CCDC178: variants seen among roughly 807,000 people sequenced by gnomAD.
CCDC178 encodes coiled-coil domain-containing protein 178.
Under a neutral mutation model 117.4 loss-of-function variants are expected in CCDC178, and 126 were observed. That is an observed-to-expected ratio of 1.07 (90% CI 0.93 to 1.24). CCDC178 has a LOEUF of 1.24. CCDC178 is among the 50% of genes most tolerant of loss of function. CCDC178 has a pLI of 0.00. For synonymous variants in CCDC178, 283 were observed against 313.4 expected, an observed-to-expected ratio of 0.90 and a Z score of 1.02; for missense variants, 1,030 against 986.9, an observed-to-expected ratio of 1.04 and a Z score of -0.59.
At chr18:33,100,288 T>C (rs1023730440) in intron 20 of CCDC178, among the ~76,000 whole-genome samples, 1 of 152,022 alleles carries the variant, frequency 6.6e-6, no homozygotes, top group Non-Finnish European at 1.5e-5. Context: ...TGACATTGCC[T>C]CTCAGAAGAA....
intron 20 of CCDC178, among the ~76,000 whole-genome samples, chr18:33,123,729 T>C (rs2057967253): frequency 6.6e-6 from 1 of 152,142 alleles, no homozygotes; most frequent in Admixed American, 6.6e-5. Context: ...TGTCAAATTC[T>C]ATCAAATTTG....
chr18:33,018,545 G>A (rs1598794069), intron 21 of CCDC178, among the ~76,000 whole-genome samples: 1 of 152,038 alleles, frequency 6.6e-6, no homozygotes, highest in East Asian at 1.9e-4. Context: ...ATGAAGAAAT[G>A]TTCAACAAAC....
intron 20 of CCDC178, among the ~76,000 whole-genome samples, chr18:33,108,988 T>A (rs2057744252): frequency 6.6e-6 from 1 of 151,708 alleles, no homozygotes; most frequent in Non-Finnish European, 1.5e-5. Context: ...TATTTCTGCA[T>A]GTTTATTTTT....
At chr18:33,271,440 T>C (rs1344623646) in intron 12 of CCDC178, among the ~76,000 whole-genome samples, 2 of 151,546 alleles carry the variant, frequency 1.3e-5, no homozygotes, top group African/African-American at 4.8e-5. Flanking sequence ...AGGAAGTCCA[T>C]GCAAACATTA....
intron 6 of CCDC178, among the ~76,000 whole-genome samples, chr18:33,358,845 T>C (rs2063091914): frequency 6.6e-6 from 1 of 151,752 alleles, no homozygotes; most frequent in South Asian, 2.1e-4. Context: ...ATATACAACT[T>C]ACTAAAGGTA....
intron 12 of CCDC178, among the ~76,000 whole-genome samples, chr18:33,288,337 C>T (rs2060126750): frequency 9.5e-6 from 1 of 105,256 alleles, no homozygotes; most frequent in Non-Finnish European, 2.0e-5. Context: ...TCCCTCCTCT[C>T]TCCTCCCCTC....
chr18:32,983,311 T>A, intron 21 of CCDC178: 2 of 1,531,248 alleles, frequency 1.3e-6, no homozygotes, highest in South Asian at 2.4e-5. Flanking sequence ...CTGATATAAT[T>A]GGCAGAGAGT....
chr18:33,279,249 A>C lies in CCDC178; in HGVS notation c.1177-11952T>G, dbSNP rs373993993. Among the ~76,000 whole-genome samples, 1,307 of 152,236 alleles carry C rather than the reference A, an allele frequency of 8.6e-3. 10 individuals are homozygous for C. The highest frequency in any genetic ancestry group is 0.023 in the African/African-American group (950 of 41,542). ...ATCTCCTTAAGCTGATAAGCAACTT[A>C]AGCAAAGTCTCAGGATACAAAATCA... On this transcript the variant is annotated intron_variant, in intron 12 of 22. Coordinates refer to ENST00000383096, the MANE Select transcript of CCDC178 (RefSeq NM_001105528.4).
At chr18:33,234,344 T>G (rs1482216350) in intron 15 of CCDC178, among the ~76,000 whole-genome samples, 1 of 152,106 alleles carries the variant, frequency 6.6e-6, no homozygotes, top group Non-Finnish European at 1.5e-5. Flanking sequence ...AATAGCAGAT[T>G]CCTTTCCATT....
chr18:33,384,058 A>G (rs923299047), intron 5 of CCDC178, among the ~76,000 whole-genome samples: 3 of 152,130 alleles, frequency 2.0e-5, no homozygotes, highest in African/African-American at 7.2e-5. Flanking sequence ...CGGGAACTTC[A>G]TGATGCAAAC....
chr18:33,093,764 C>G (rs1383328169), intron 20 of CCDC178, among the ~76,000 whole-genome samples: 1 of 151,660 alleles, frequency 6.6e-6, no homozygotes, highest in East Asian at 1.9e-4. Flanking sequence ...TATTTTCAAA[C>G]CTGTTAATCC....
chr18:33,394,951 A>ATATATATATATATATGTG (rs1568198882), intron 4 of CCDC178, among the ~76,000 whole-genome samples: 5 of 111,832 alleles, frequency 4.5e-5, no homozygotes, highest in African/African-American at 1.4e-4. Context: ...GTGTATATAT[A>ATATATATATATATATGTG]TATATATATA....
intron 18 of CCDC178, among the ~76,000 whole-genome samples, chr18:33,220,418 TCCAAAG>T (rs1007751701): frequency 8.5e-5 from 13 of 152,076 alleles, no homozygotes; most frequent in African/African-American, 2.7e-4. Flanking sequence ...TTTCTCTGAC[TCCAAAG>T]CCTTTACTAT....
intron 21 of CCDC178, among the ~76,000 whole-genome samples, chr18:33,043,336 T>C (rs1032998114): frequency 2.6e-5 from 4 of 152,094 alleles, no homozygotes; most frequent in South Asian, 2.1e-4. Flanking sequence ...TAGAACAATA[T>C]GTTTATTCTG....
chr18:33,244,890 G>C (rs1464101107), intron 15 of CCDC178, among the ~76,000 whole-genome samples: 1 of 151,814 alleles, frequency 6.6e-6, no homozygotes, highest in Non-Finnish European at 1.5e-5. Flanking sequence ...CATTACATAA[G>C]GTAGACGAAC....
intron 5 of CCDC178, 26 bp downstream of exon 5, chr18:33,389,514 C>G: frequency 8.8e-7 from 1 of 1,134,624 alleles, no homozygotes; most frequent in Non-Finnish European, 1.2e-6. Context: ...ATATAGTTTA[C>G]TATATGATTT....
chr18:33,044,026 T>TACAC lies in CCDC178; in HGVS notation c.2388+48734_2388+48735insGTGT, dbSNP rs10656296. Among the ~76,000 whole-genome samples the TACAC allele has an allele frequency of 4.5e-3, 646 of 143,064 alleles. 3 individuals carry two copies. Among genetic ancestry groups the TACAC allele is most frequent in the African/African-American group, 0.017 (609 of 35,506 alleles). The allele number at this position is 143,064 out of a possible 152,430, so 93.9% of individuals were successfully genotyped here. A position where few individuals can be genotyped will look rare whatever the true frequency, so the allele number is the denominator to read the frequency against. On this transcript the variant is annotated intron_variant, in intron 21 of 22. Transcript: ENST00000383096. ...AGATTGATGTGTTGTTAACAATATA[T>TACAC]ATACACACACACACCAGCATATGTG...
rs571938939 is a variant in CCDC178 at position 33,388,543 on chromosome 18, G to A, written c.208+997C>T. 0.013 allele frequency among the ~76,000 whole-genome samples: 9 copies of A among 718 alleles called. No individual in the cohort carries two copies. The East Asian group carries it at 0.3, about 24-fold the overall frequency. The allele number at this position is 718 out of a possible 152,430, so 0.5% of individuals were successfully genotyped here. On this transcript the variant is annotated intron_variant, in intron 5 of 22. Transcript: ENST00000383096. The stretch of plus-strand genomic sequence containing the variant: ...AATTTTTTTTTTTTTTTTTTGAGAC[G>A]GAGTCTCGCTCTGTCGCCCAGGCTG...
chr18:33,145,894 G>A (rs535807366), intron 20 of CCDC178, among the ~76,000 whole-genome samples: 1 of 152,240 alleles, frequency 6.6e-6, no homozygotes, highest in Non-Finnish European at 1.5e-5. Context: ...AAAAGATATA[G>A]TCTTACATCC....
Sources: allele counts gnomAD v4.1 joint callset (sites outside exome capture counted in the v4.1 genomes callset), GRCh38; gene constraint gnomAD v4.1.1; transcripts MANE v1.5; gene names NCBI Gene and HGNC (gene_info 2026-07-23, HGNC 2026-07-21).